IRAK1BP1: variants seen among roughly 807,000 people sequenced by gnomAD.
The protein encoded by IRAK1BP1 is interleukin 1 receptor associated kinase 1 binding protein 1, also known as interleukin-1 receptor-associated kinase 1-binding protein 1.
IRAK1BP1 carries 24 observed loss-of-function variants against 28.0 expected under a neutral mutation model. The observed-to-expected ratio is 0.86, with a 90% CI of 0.62 to 1.20. IRAK1BP1 has a LOEUF of 1.20. IRAK1BP1 is among the 50% of genes most tolerant of loss of function. IRAK1BP1 has a pLI of 0.00. For synonymous variants in IRAK1BP1, 131 were observed against 116.3 expected (o/e 1.13, Z -0.81); for missense variants, 336 against 316.7 (o/e 1.06, Z -0.46).
downstream of IRAK1BP1, among the ~76,000 whole-genome samples, chr6:78,950,111 A>C (rs1774061342): frequency 6.6e-6 from 1 of 152,172 alleles, no homozygotes; most frequent in Admixed American, 6.6e-5. Flanking sequence ...AAATTTTGTC[A>C]AATGTTCTTT....
chr6:78,898,023 A>G (rs745510427), intron 3 of IRAK1BP1, 41 bp from the exon 4 acceptor site: 7 of 1,604,770 alleles, frequency 4.4e-6, no homozygotes, highest in East Asian at 2.2e-5. Flanking sequence ...GCTACATTTC[A>G]TTGAGTGTCA....
At chr6:78,966,659 T>C in the IRAK1BP1 span, among the ~76,000 whole-genome samples, 5 of 152,222 alleles carry the variant, frequency 3.3e-5, no homozygotes, top group South Asian at 2.1e-4. Flanking sequence ...CCTTATCCAA[T>C]TGCTGTCGTC....
chr6:78,882,472 G>C (rs1215676899), intron 1 of IRAK1BP1, among the ~76,000 whole-genome samples: 2 of 152,180 alleles, frequency 1.3e-5, no homozygotes, highest in East Asian at 3.9e-4. Flanking sequence ...ACCAGTATTA[G>C]TATTTGGAGT....
chr6:78,963,623 G>T, the IRAK1BP1 span, among the ~76,000 whole-genome samples: 1 of 152,088 alleles, frequency 6.6e-6, no homozygotes, highest in Non-Finnish European at 1.5e-5. Context: ...GAACTAAAGT[G>T]ACATTTTCTA....
chr6:78,946,618 G>C (rs1472140397), downstream of IRAK1BP1: 1 of 1,455,220 alleles, frequency 6.9e-7, no homozygotes, highest in East Asian at 2.5e-5. Flanking sequence ...CTGCAATATA[G>C]GGAATAGTAA....
chr6:78,958,306 G>T, the IRAK1BP1 span: 1 of 451,514 alleles, frequency 2.2e-6, no homozygotes, highest in Non-Finnish European at 3.9e-6. Context: ...TGAAACCCAG[G>T]ATCAAACCAG....
intron 2 of IRAK1BP1, 60 bp from the exon 3 acceptor site, chr6:78,897,769 G>A (rs1771944986): frequency 3.4e-6 from 5 of 1,480,072 alleles, no homozygotes; most frequent in Admixed American, 3.8e-5. Flanking sequence ...CTTACATGTA[G>A]AGAAAATCTT....
intron 2 of IRAK1BP1, among the ~76,000 whole-genome samples, chr6:78,896,412 A>G (rs934181145): frequency 3.3e-5 from 5 of 152,156 alleles, no homozygotes; most frequent in African/African-American, 1.2e-4. Flanking sequence ...ATATTATGCA[A>G]CAATGTGGAT....
chr6:78,924,261 A>G (rs1320465481), intron 4 of IRAK1BP1, among the ~76,000 whole-genome samples: 3 of 152,204 alleles, frequency 2.0e-5, no homozygotes, highest in Non-Finnish European at 4.4e-5. Context: ...CAGAAACACA[A>G]ACTACCATGA....
the IRAK1BP1 span, among the ~76,000 whole-genome samples, chr6:78,964,246 T>C: frequency 6.6e-6 from 1 of 152,196 alleles, no homozygotes; most frequent in Non-Finnish European, 1.5e-5. Flanking sequence ...ATTATTGGCA[T>C]TAAATTTTCA....
At chr6:78,933,668 C>CTTT (rs35416532) in intron 4 of IRAK1BP1, among the ~76,000 whole-genome samples, 2,095 of 136,566 alleles carry the variant, frequency 0.015, 52 homozygotes, top group African/African-American at 0.054. Context: ...TAGCTTCCAA[C>CTTT]TTTTTTTTTT....
chr6:78,871,810 A>G lies in IRAK1BP1; in HGVS notation c.315+3919A>G, dbSNP rs150161298. On this transcript the variant is annotated intron_variant, in intron 1 of 3. Transcript: ENST00000369940. ...TGCTTCTTTATTCTCTTGACAGTGGATAATTGAGATTTTAGGTAGGGAAGA... is the reference window on the plus strand; with the variant it reads ...TGCTTCTTTATTCTCTTGACAGTGGGTAATTGAGATTTTAGGTAGGGAAGA... The G allele has an allele frequency of 2.5e-3, 973 of 384,742 alleles. 22 individuals are homozygous for G. In the Admixed American group the frequency reaches 0.035, roughly 14 times the overall value. 23.8% of individuals were successfully genotyped at this position (384,742 alleles called of 1,614,324 possible).
At chr6:78,969,399 T>C in the IRAK1BP1 span, among the ~76,000 whole-genome samples, 2 of 152,194 alleles carry the variant, frequency 1.3e-5, no homozygotes, top group Admixed American at 6.5e-5. Flanking sequence ...CCTGAAAACT[T>C]TTACAGATTT....
chr6:78,947,858 TATG>T (rs1773912086), downstream of IRAK1BP1: 1 of 884,186 alleles, frequency 1.1e-6, no homozygotes, highest in East Asian at 2.5e-5. Context: ...ACAGGATTTT[TATG>T]ATGACTGCAA....
chr6:78,962,127 A>G, the IRAK1BP1 span, among the ~76,000 whole-genome samples: 5 of 152,150 alleles, frequency 3.3e-5, no homozygotes, highest in South Asian at 6.2e-4. Context: ...TCCTGAATCT[A>G]TATTTGGCAA....
downstream of IRAK1BP1, chr6:78,946,485 C>G (rs954775061): frequency 1.4e-6 from 2 of 1,394,426 alleles, no homozygotes. Flanking sequence ...CATCACTATC[C>G]TAAAAATGCT....
At chr6:78,927,873 A>G (rs1295696481) in intron 4 of IRAK1BP1, among the ~76,000 whole-genome samples, 1 of 152,022 alleles carries the variant, frequency 6.6e-6, no homozygotes, top group African/African-American at 2.4e-5. Flanking sequence ...TGGGTTCTAT[A>G]TTCTGTTCCA....
In IRAK1BP1 at chr6:78,885,452, T is replaced by TTATCG. The variant is rs2127646008; in HGVS notation, c.381+11_381+12insTCGTA. 1 of 1,406,870 alleles carries TTATCG rather than the reference T, an allele frequency of 7.1e-7. No individual in the cohort carries two copies. Among genetic ancestry groups the TTATCG allele is most frequent in the East Asian group, 2.4e-5 (1 of 42,200 alleles). 87.1% of individuals were successfully genotyped at this position (1,406,870 alleles called of 1,614,324 possible). ...ATCACATGGAAGCAGAGGTATGTAC[T>TTATCG]TAACAAATAATTGGAAGCAGCATGA... On this transcript the variant is annotated intron_variant, in intron 2 of 3. Transcript: ENST00000369940.
chr6:78,886,422 C>A (rs1771435046), intron 2 of IRAK1BP1, among the ~76,000 whole-genome samples: 1 of 152,088 alleles, frequency 6.6e-6, no homozygotes, highest in African/African-American at 2.4e-5. Context: ...TTTTAAATTA[C>A]TCATTATGAT....
Sources: allele counts gnomAD v4.1 joint callset (sites outside exome capture counted in the v4.1 genomes callset), GRCh38; gene constraint gnomAD v4.1.1; transcripts MANE v1.5; gene names NCBI Gene and HGNC (gene_info 2026-07-23, HGNC 2026-07-21).